ZNF644: variants seen among roughly 807,000 people sequenced by gnomAD.
ZNF644 encodes the protein zinc finger motif enhancer binding protein 2.
ZNF644 carries 20 observed loss-of-function variants against 108.0 expected under a neutral mutation model. The observed-to-expected ratio is 0.19, with a 90% CI of 0.13 to 0.27. The LOEUF is 0.27. ZNF644 is among the 10% of genes least tolerant of loss of function. ZNF644 has a pLI of 1.00. For synonymous variants in ZNF644, 542 were observed against 539.1 expected, an observed-to-expected ratio of 1.01 and a Z score of -0.08; for missense variants, 1,338 against 1,548.9, an observed-to-expected ratio of 0.86 and a Z score of 2.29.
At chr1:90,997,481 AGAG>A (rs1658264712) in intron 1 of ZNF644, among the ~76,000 whole-genome samples, 1 of 152,050 alleles carries the variant, frequency 6.6e-6, no homozygotes, top group African/African-American at 2.4e-5. Flanking sequence ...GCTGGGGCAG[AGAG>A]GAGAATCTGA....
intron 2 of ZNF644, among the ~76,000 whole-genome samples, chr1:90,981,292 G>A (rs565312682): frequency 2.6e-5 from 4 of 152,084 alleles, no homozygotes; most frequent in African/African-American, 9.6e-5. Context: ...GTACTATAAC[G>A]ATCAATAAGG....
At position 90,916,629 on chromosome 1, in the gene ZNF644, A is replaced by G; in HGVS notation, c.*169T>C. The G allele has an allele frequency of 1.4e-6, 1 of 699,334 alleles. No individual in the cohort carries two copies. The highest frequency in any genetic ancestry group is 1.9e-5 in the South Asian group (1 of 53,936). The allele number at this position is 699,334 out of a possible 1,614,324, so 43.3% of individuals were successfully genotyped here. A position where few individuals can be genotyped will look rare whatever the true frequency, so the allele number is the denominator to read the frequency against. On this transcript the variant is annotated 3_prime_UTR_variant, in exon 6 of 6. Transcript: ENST00000337393. ...ATCTTCCACCCTATATAAAATATAT[A>G]GACTACTTACTGTTTTAAGTATTCA...
intron 1 of ZNF644, among the ~76,000 whole-genome samples, chr1:90,984,290 C>T (rs1449928432): frequency 6.6e-6 from 1 of 152,134 alleles, no homozygotes; most frequent in Non-Finnish European, 1.5e-5. Flanking sequence ...AAAGATGTTA[C>T]GAACTGCATT....
At chr1:90,955,465 T>C (rs1325307085) in intron 2 of ZNF644, among the ~76,000 whole-genome samples, 1 of 152,232 alleles carries the variant, frequency 6.6e-6, no homozygotes, top group Non-Finnish European at 1.5e-5. Flanking sequence ...GAAAAATCTG[T>C]TGGTTAGTGT....
At chr1:90,917,506 T>TC (rs1237790157) in intron 5 of ZNF644, among the ~76,000 whole-genome samples, 3 of 152,162 alleles carry the variant, frequency 2.0e-5, no homozygotes, top group African/African-American at 7.2e-5. Flanking sequence ...AGTTTTTTTT[T>TC]CTTTTTTCTG....
Position 90,931,511 on chromosome 1 carries a change from G to A in ZNF644, c.3688+5974C>T, listed in dbSNP as rs1226952242. ...TAGTCTATTTTGATAAAGATTGATCGGGGAAAGGAAGTAAAACAGCTTCAT... is the reference window on the plus strand; with the variant it reads ...TAGTCTATTTTGATAAAGATTGATCAGGGAAAGGAAGTAAAACAGCTTCAT... On this transcript the variant is annotated intron_variant, in intron 4 of 5. Coordinates refer to ENST00000337393, the MANE Select transcript of ZNF644 (RefSeq NM_201269.3). Among the ~76,000 whole-genome samples the A allele has an allele frequency of 5.3e-5, 8 of 151,886 alleles. No homozygotes were observed. In the East Asian group the frequency reaches 1.2e-3, roughly 22 times the overall value.
rs188791934 is a variant in ZNF644 at position 90,928,618 on chromosome 1, C to T, written c.3688+8867G>A. Among the ~76,000 whole-genome samples the T allele has an allele frequency of 1.1e-3, 160 of 152,100 alleles. 1 individual carries two copies. The highest frequency in any genetic ancestry group is 3.5e-3 in the African/African-American group (146 of 41,496). On this transcript the variant is annotated intron_variant, in intron 4 of 5. Transcript: ENST00000337393. ...GATTACAAGTGTGAGCCACCACGCC[C>T]GGCCTCCTTATTTTTAAAACATCCT...
At position 90,928,441 on chromosome 1, in the gene ZNF644, C is replaced by T. The variant is rs574729497; in HGVS notation, c.3688+9044G>A. ...CATGCAATCCTCCTGCCTCAGCCTCCTGAATAGCTGGGATTACAGGCGCAT... is the reference window on the plus strand; with the variant it reads ...CATGCAATCCTCCTGCCTCAGCCTCTTGAATAGCTGGGATTACAGGCGCAT... On this transcript the variant is annotated intron_variant, in intron 4 of 5. Transcript: ENST00000337393. 3.3e-5 allele frequency among the ~76,000 whole-genome samples: 5 copies of T among 151,800 alleles called. No individual in the cohort carries two copies. The East Asian group carries it at 9.8e-4, about 30-fold the overall frequency.
intron 1 of ZNF644, 127 bp downstream of exon 1, chr1:91,021,863 G>A (rs1660969961): frequency 5.0e-6 from 2 of 397,764 alleles, no homozygotes; most frequent in African/African-American, 2.1e-5. Context: ...AGCTCCCCGG[G>A]CCCGAGAGCC....
At chr1:90,967,992 C>T (rs1482304694) in intron 2 of ZNF644, among the ~76,000 whole-genome samples, 4 of 130,916 alleles carry the variant, frequency 3.1e-5, no homozygotes, top group African/African-American at 8.6e-5. Flanking sequence ...ATCTGGGAGG[C>T]GGAGGTTGCA....
chr1:90,948,131 T>C (rs1433661542), intron 2 of ZNF644, among the ~76,000 whole-genome samples: 1 of 152,210 alleles, frequency 6.6e-6, no homozygotes, highest in Non-Finnish European at 1.5e-5. Context: ...GCTATACCTA[T>C]AAATTTCACA....
chr1:90,957,077 C>T (rs1219064056), intron 2 of ZNF644, among the ~76,000 whole-genome samples: 2 of 151,986 alleles, frequency 1.3e-5, no homozygotes, highest in South Asian at 2.1e-4. Flanking sequence ...CCTAGAAACA[C>T]AGAAATTACC....
intron 1 of ZNF644, among the ~76,000 whole-genome samples, chr1:90,984,596 T>C (rs547525558): frequency 2.6e-5 from 4 of 152,194 alleles, no homozygotes; most frequent in Non-Finnish European, 5.9e-5. Flanking sequence ...TTTCACCATA[T>C]TGGCTAGGCT....
intron 4 of ZNF644, among the ~76,000 whole-genome samples, chr1:90,925,955 T>C (rs1649982927): frequency 1.3e-5 from 2 of 152,184 alleles, no homozygotes; most frequent in Admixed American, 1.3e-4. Flanking sequence ...TTCCCAGCCA[T>C]GATGGGACAG....
At chr1:91,010,144 C>G (rs1390928572) in intron 1 of ZNF644, among the ~76,000 whole-genome samples, 1 of 151,988 alleles carries the variant, frequency 6.6e-6, no homozygotes, top group East Asian at 1.9e-4. Flanking sequence ...CCCTCCAGCT[C>G]ATGCCACAAT....
chr1:91,020,854 T>G (rs1660842540), intron 1 of ZNF644: 1 of 152,238 alleles, frequency 6.6e-6, no homozygotes, highest in Non-Finnish European at 1.5e-5. Flanking sequence ...GTGATACTTC[T>G]GTTGAAATTA....
chr1:90,946,493 T>C (rs1652529992), intron 2 of ZNF644, among the ~76,000 whole-genome samples: 1 of 152,126 alleles, frequency 6.6e-6, no homozygotes, highest in Non-Finnish European at 1.5e-5. Context: ...TACTTAGTTA[T>C]TACATAATTA....
At chr1:90,930,234 C>T (rs1570355231) in intron 4 of ZNF644, among the ~76,000 whole-genome samples, 1 of 152,074 alleles carries the variant, frequency 6.6e-6, no homozygotes, top group Non-Finnish European at 1.5e-5. Context: ...TGCAGTGAGC[C>T]GAGACTGCAC....
intron 4 of ZNF644, among the ~76,000 whole-genome samples, chr1:90,936,554 A>G (rs932520765): frequency 2.0e-5 from 3 of 152,202 alleles, no homozygotes; most frequent in African/African-American, 7.2e-5. Flanking sequence ...GCAAATAAAC[A>G]ACATTACTTT....
Sources: allele counts gnomAD v4.1 joint callset (sites outside exome capture counted in the v4.1 genomes callset), GRCh38; gene constraint gnomAD v4.1.1; transcripts MANE v1.5; gene names NCBI Gene and HGNC (gene_info 2026-07-23, HGNC 2026-07-21).